SSH2: variants seen among roughly 807,000 people sequenced by gnomAD.
The protein encoded by SSH2 is protein phosphatase Slingshot homolog 2.
Under a neutral mutation model 135.2 loss-of-function variants are expected in SSH2, and 37 were observed. The observed-to-expected ratio is 0.27, with a 90% CI of 0.21 to 0.36. The LOEUF (loss-of-function observed/expected upper bound fraction) is 0.36, where lower values mean the gene tolerates loss of function less well. SSH2 is among the 10% of genes least tolerant of loss of function. SSH2 has a pLI of 1.00. For missense variants in SSH2, 1,408 were observed against 1,765.3 expected (o/e 0.80, Z 3.63); for synonymous variants, 628 against 646.2 (o/e 0.97, Z 0.43).
At chr17:29,827,515 A>G (rs1398562347) in intron 2 of SSH2, among the ~76,000 whole-genome samples, 2 of 152,218 alleles carry the variant, frequency 1.3e-5, no homozygotes, top group East Asian at 1.9e-4. Flanking sequence ...AGTTAGTGAT[A>G]AAGAAGCCCA....
At chr17:29,640,110 G>C (rs1459136483) in intron 14 of SSH2, among the ~76,000 whole-genome samples, 1 of 147,998 alleles carries the variant, frequency 6.8e-6, no homozygotes, top group East Asian at 2.0e-4. Flanking sequence ...ACGGAGTCTC[G>C]CTCTGTCACC....
At chr17:29,675,093 C>G (rs978784517) in intron 8 of SSH2, among the ~76,000 whole-genome samples, 2 of 152,150 alleles carry the variant, frequency 1.3e-5, no homozygotes, top group African/African-American at 4.8e-5. Context: ...TTAACTGAGC[C>G]TTAGTCAAAG....
chr17:29,675,807 GGAGAGAGAGAGAGAGATAT>G (rs1567866281), intron 8 of SSH2: 1 of 150,440 alleles, frequency 6.6e-6, no homozygotes, highest in Non-Finnish European at 1.5e-5. Flanking sequence ...TCTCTTTAAA[GGAGAGAGAGAGAGAGATAT>G]GAGAGAGAGA....
At chr17:29,683,884 G>A (rs1196186494) in intron 6 of SSH2, among the ~76,000 whole-genome samples, 1 of 152,152 alleles carries the variant, frequency 6.6e-6, no homozygotes, top group Non-Finnish European at 1.5e-5. Flanking sequence ...GGAATTTGAG[G>A]CCGTAGTGAG....
rs1427693277 is a variant in SSH2 at position 29,635,904 on chromosome 17, AT to A, written c.2262+63del. 7 of 1,241,748 alleles carry A rather than the reference AT, an allele frequency of 5.6e-6. No homozygotes were observed. In the African/African-American group the frequency reaches 7.5e-5, roughly 13 times the overall value. 76.9% of individuals were successfully genotyped at this position (1,241,748 alleles called of 1,614,324 possible). ...CTCCATCAAAAACAAACATAACATA[AT>A]CCCAAATAATTTACCTTTGAAGAGA... is the stretch of plus-strand genomic sequence containing the variant. On this transcript the variant is annotated intron_variant, in intron 15 of 15. Coordinates refer to ENST00000540801, the MANE Select transcript of SSH2 (RefSeq NM_001282129.2).
At chr17:29,920,920 A>G (rs1456631919) in intron 1 of SSH2, among the ~76,000 whole-genome samples, 3 of 152,196 alleles carry the variant, frequency 2.0e-5, no homozygotes, top group Non-Finnish European at 4.4e-5. Flanking sequence ...TTGCAACATA[A>G]CAGAAAAAGG....
chr17:29,702,023 T>C (rs1257080855), intron 4 of SSH2, among the ~76,000 whole-genome samples: 2 of 151,478 alleles, frequency 1.3e-5, no homozygotes, highest in Non-Finnish European at 2.9e-5. Flanking sequence ...CCAATGTGCC[T>C]GGCCCACCTG....
intron 1 of SSH2, among the ~76,000 whole-genome samples, chr17:29,879,450 C>G (rs978987347): frequency 6.7e-6 from 1 of 149,800 alleles, no homozygotes; most frequent in Middle Eastern, 3.5e-3. Flanking sequence ...AGAAGGTAGA[C>G]AGATTTCCTA....
At chr17:29,805,543 A>G (rs1312083889) in intron 2 of SSH2, among the ~76,000 whole-genome samples, 1 of 152,104 alleles carries the variant, frequency 6.6e-6, no homozygotes, top group Non-Finnish European at 1.5e-5. Flanking sequence ...CAATTGTTAC[A>G]TTTTTAGGAA....
intron 2 of SSH2, among the ~76,000 whole-genome samples, chr17:29,810,236 G>T (rs541046463): frequency 6.6e-6 from 1 of 152,200 alleles, no homozygotes; most frequent in East Asian, 1.9e-4. Flanking sequence ...CCTCAAACAA[G>T]AATATTCTTA....
intron 3 of SSH2, among the ~76,000 whole-genome samples, chr17:29,741,611 CTTTTTTTTTTT>C (rs6146027): frequency 0.48 from 67,737 of 140,914 alleles, 15,985 homozygotes; most frequent in Non-Finnish European, 0.52. Context: ...AATCCCCCTC[CTTTTTTTTTTT>C]TTTTTTTTTT....
At chr17:29,915,017 T>C (rs1450908961) in intron 1 of SSH2, among the ~76,000 whole-genome samples, 2 of 152,184 alleles carry the variant, frequency 1.3e-5, no homozygotes, top group Non-Finnish European at 2.9e-5. Flanking sequence ...TAGAAAACCA[T>C]GGAATCAGCA....
At chr17:29,903,763 G>A (rs2066604062) in intron 1 of SSH2, among the ~76,000 whole-genome samples, 1 of 152,042 alleles carries the variant, frequency 6.6e-6, no homozygotes, top group Non-Finnish European at 1.5e-5. Flanking sequence ...CACCAAATAT[G>A]GATACAAGTT....
intron 3 of SSH2, among the ~76,000 whole-genome samples, chr17:29,709,622 A>G (rs2039362930): frequency 6.6e-6 from 1 of 152,180 alleles, no homozygotes; most frequent in Non-Finnish European, 1.5e-5. Context: ...GTTTGCAGTG[A>G]GCTGAGATCA....
chr17:29,851,585 C>T (rs986422937), intron 1 of SSH2, among the ~76,000 whole-genome samples: 2 of 151,570 alleles, frequency 1.3e-5, no homozygotes, highest in South Asian at 4.2e-4. Context: ...AAGAGCGAAA[C>T]GCCATCTCAA....
At chr17:29,688,028 C>G (rs538865702) in intron 5 of SSH2, among the ~76,000 whole-genome samples, 3 of 139,394 alleles carry the variant, frequency 2.2e-5, no homozygotes, top group African/African-American at 7.8e-5. Context: ...TTTTATTTTT[C>G]GAGATGGAGT....
At chr17:29,916,509 C>T (rs2066884845) in intron 1 of SSH2, among the ~76,000 whole-genome samples, 1 of 150,624 alleles carries the variant, frequency 6.6e-6, no homozygotes, top group Non-Finnish European at 1.5e-5. Flanking sequence ...CTCTGTCACC[C>T]AGGCTGGAGT....
chr17:29,831,767 A>G (rs901303722), intron 2 of SSH2, among the ~76,000 whole-genome samples: 3 of 151,022 alleles, frequency 2.0e-5, no homozygotes, highest in Middle Eastern at 3.4e-3. Flanking sequence ...TGTGGTAGAG[A>G]CGGGGTTTCG....
Position 29,626,653 on chromosome 17 carries a change from A to G in SSH2, c.*4188T>C, listed in dbSNP as rs139007822. ...CTCCATTTCCAGGCTGGAAAAGTAC[A>G]GAAGCACCTTGCAATAGCTCTTCAT... On this transcript the variant is annotated 3_prime_UTR_variant, in exon 16 of 16. Transcript: ENST00000540801. 545 of 152,860 alleles carry G rather than the reference A, an allele frequency of 3.6e-3. 4 individuals carry two copies. Among genetic ancestry groups the G allele is most frequent in the Middle Eastern group, 0.02 (6 of 294 alleles). The allele number at this position is 152,860 out of a possible 1,614,324, so 9.5% of individuals were successfully genotyped here.
Sources: allele counts gnomAD v4.1 joint callset (sites outside exome capture counted in the v4.1 genomes callset), GRCh38; gene constraint gnomAD v4.1.1; transcripts MANE v1.5; gene names NCBI Gene and HGNC (gene_info 2026-07-23, HGNC 2026-07-21).